The following PCED1B variants were observed in gnomAD, a reference collection of about 807,000 sequenced individuals.
The protein encoded by PCED1B is PC-esterase domain-containing protein 1B.
For synonymous variants in PCED1B, 251 were observed against 246.1 expected (o/e 1.02, Z -0.19); for missense variants, 573 against 573.9 (o/e 1.00, Z 0.02).
chr12:47,143,712 C>G (rs1483643403), intron 2 of PCED1B, among the ~76,000 whole-genome samples: 1 of 152,150 alleles, frequency 6.6e-6, no homozygotes, highest in East Asian at 1.9e-4. Flanking sequence ...GCATTTTTCA[C>G]TGAAAAAGAA....
intron 2 of PCED1B, among the ~76,000 whole-genome samples, chr12:47,176,328 G>T (rs974483073): frequency 4.6e-5 from 7 of 152,000 alleles, no homozygotes; most frequent in African/African-American, 1.7e-4. Flanking sequence ...TAATCCCTTG[G>T]AAATCCCTGG....
chr12:47,136,872 T>G (rs904728716), intron 2 of PCED1B, among the ~76,000 whole-genome samples: 1 of 152,238 alleles, frequency 6.6e-6, no homozygotes, highest in African/African-American at 2.4e-5. Flanking sequence ...AAGGCCATTA[T>G]GATGAGAGTC....
chr12:47,153,689 G>A (rs1480775287), intron 2 of PCED1B, among the ~76,000 whole-genome samples: 2 of 152,120 alleles, frequency 1.3e-5, no homozygotes, highest in African/African-American at 4.8e-5. Flanking sequence ...TTTAGGGAAA[G>A]ATTTTTCCAA....
At chr12:47,184,698 C>T (rs1027996259) in intron 2 of PCED1B, among the ~76,000 whole-genome samples, 6 of 150,650 alleles carry the variant, frequency 4.0e-5, no homozygotes, top group Non-Finnish European at 5.9e-5. Flanking sequence ...CTACAAATAC[C>T]GTCATTTCAT....
At chr12:47,154,563 A>C (rs1262914157) in intron 2 of PCED1B, among the ~76,000 whole-genome samples, 2 of 152,096 alleles carry the variant, frequency 1.3e-5, no homozygotes. Flanking sequence ...CCATAGATTG[A>C]TTCCCCAGTC....
intron 1 of PCED1B, among the ~76,000 whole-genome samples, chr12:47,099,217 GAGACAGTA>G (rs1346824306): frequency 6.6e-6 from 1 of 152,212 alleles, no homozygotes; most frequent in African/African-American, 2.4e-5. Context: ...AAGGCCACAT[GAGACAGTA>G]AGGGATAACA....
Position 47,235,046 on chromosome 12 carries a change from C to T in PCED1B, c.-18C>T, listed in dbSNP as rs748239660. 6.6e-7 allele frequency: 1 copy of T among 1,521,058 alleles called. No individual in the cohort carries two copies. Among genetic ancestry groups the T allele is most frequent in the Non-Finnish European group, 8.8e-7 (1 of 1,136,378 alleles). The allele number at this position is 1,521,058 out of a possible 1,614,324, so 94.2% of individuals were successfully genotyped here. On this transcript the variant is annotated 5_prime_UTR_variant, in exon 4 of 4. Transcript: ENST00000546455. ...ATCCTGTGCAAAGGAAGGAGCTAGG[C>T]TGTGCGCCCTGGGCGTCATGATCCT...
chr12:47,186,047 A>G (rs1303450320), intron 2 of PCED1B, among the ~76,000 whole-genome samples: 2 of 151,884 alleles, frequency 1.3e-5, no homozygotes, highest in Admixed American at 1.3e-4. Context: ...GTGAAACCCC[A>G]TCTCTACTAA....
chr12:47,092,972 G>T (rs1938330016), intron 1 of PCED1B, among the ~76,000 whole-genome samples: 1 of 151,852 alleles, frequency 6.6e-6, no homozygotes. Context: ...TCTTGTCAGG[G>T]TTTAAAAATC....
At chr12:47,129,641 G>A (rs943739891) in intron 2 of PCED1B, among the ~76,000 whole-genome samples, 19 of 152,208 alleles carry the variant, frequency 1.2e-4, no homozygotes, top group Middle Eastern at 3.4e-3. Flanking sequence ...CCCCTTGGGT[G>A]GGATTCTCAT....
intron 2 of PCED1B, among the ~76,000 whole-genome samples, chr12:47,213,959 T>A (rs1250121687): frequency 6.6e-6 from 1 of 152,218 alleles, no homozygotes; most frequent in African/African-American, 2.4e-5. Context: ...ATTACAGAGA[T>A]TGTCCTTTTA....
chr12:47,142,026 A>T (rs1356269671), intron 2 of PCED1B, among the ~76,000 whole-genome samples: 1 of 152,170 alleles, frequency 6.6e-6, no homozygotes, highest in Non-Finnish European at 1.5e-5. Context: ...GAACCCTTGC[A>T]GAGACCCTCA....
rs145973986 is a variant in PCED1B at position 47,199,019 on chromosome 12, C to T, written c.-525-17203C>T. Among the ~76,000 whole-genome samples the T allele has an allele frequency of 7.9e-5, 12 of 151,112 alleles. No individual in the cohort carries two copies. The East Asian group carries it at 1.6e-3, about 20-fold the overall frequency. On this transcript the variant is annotated intron_variant, in intron 2 of 3. Coordinates refer to ENST00000546455, the MANE Select transcript of PCED1B (RefSeq NM_138371.3). Reference sequence around the variant, plus strand: ...AAGAAGGAAAATCCCAAAGAATCAACAACAGCAAAAAACCATCCTGGAACT... The same window carrying T: ...AAGAAGGAAAATCCCAAAGAATCAATAACAGCAAAAAACCATCCTGGAACT...
At chr12:47,096,135 C>CT (rs1458318935) in intron 1 of PCED1B, among the ~76,000 whole-genome samples, 1 of 152,110 alleles carries the variant, frequency 6.6e-6, no homozygotes, top group Non-Finnish European at 1.5e-5. Flanking sequence ...TTCCTGAGCA[C>CT]TACGTCTGTG....
At chr12:47,206,827 G>A (rs758545935) in intron 2 of PCED1B, among the ~76,000 whole-genome samples, 26 of 151,998 alleles carry the variant, frequency 1.7e-4, no homozygotes, top group African/African-American at 5.6e-4. Flanking sequence ...TAGATCTGAC[G>A]GTAGTTACAG....
intron 2 of PCED1B, among the ~76,000 whole-genome samples, chr12:47,144,489 G>A (rs1940713508): frequency 6.6e-6 from 1 of 151,980 alleles, no homozygotes. Flanking sequence ...TCTTCACATG[G>A]CCAGGTTGAA....
chr12:47,112,558 A>C (rs1272531909), intron 2 of PCED1B, among the ~76,000 whole-genome samples: 1 of 152,186 alleles, frequency 6.6e-6, no homozygotes, highest in Non-Finnish European at 1.5e-5. Context: ...ATTTTAGCTG[A>C]AGCTTTGTTT....
chr12:47,102,948 C>T (rs1242266372), intron 1 of PCED1B, among the ~76,000 whole-genome samples: 3 of 152,034 alleles, frequency 2.0e-5, no homozygotes, highest in Non-Finnish European at 4.4e-5. Flanking sequence ...ATTTGTGAAG[C>T]AAGCACAATT....
At chr12:47,106,808 C>G (rs1429857325) in intron 2 of PCED1B, among the ~76,000 whole-genome samples, 2 of 151,944 alleles carry the variant, frequency 1.3e-5, no homozygotes, top group South Asian at 2.1e-4. Flanking sequence ...CTTTGTCAGT[C>G]TCTGCCTCTC....
Sources: gnomAD v4.1 joint callset for allele counts (sites outside exome capture counted in the v4.1 genomes callset) on GRCh38, gnomAD v4.1.1 for gene constraint, MANE v1.5 for transcripts, NCBI Gene and HGNC (gene_info 2026-07-23, HGNC 2026-07-21) for gene names.